DDX46: variants seen among roughly 807,000 people sequenced by gnomAD.
The protein encoded by DDX46 is probable ATP-dependent RNA helicase DDX46.
A neutral mutation model predicts 134.9 loss-of-function variants in DDX46; 30 were observed. The ratio of observed to expected loss-of-function variants is 0.22; its 90% CI spans 0.17 to 0.30. The LOEUF (loss-of-function observed/expected upper bound fraction) is 0.30, where lower values mean the gene tolerates loss of function less well. Among genes scored for constraint, DDX46 ranks in the 10% least tolerant of loss-of-function variants. The pLI, the probability that DDX46 is intolerant of heterozygous loss-of-function variation, is 1.00. For synonymous variants in DDX46, 415 were observed against 404.1 expected, an observed-to-expected ratio of 1.03 and a Z score of -0.32; for missense variants, 622 against 1,248.7, an observed-to-expected ratio of 0.50 and a Z score of 7.56.
intron 21 of DDX46, among the ~76,000 whole-genome samples, chr5:134,821,558 G>A (rs1377728388): frequency 1.3e-5 from 2 of 148,504 alleles, no homozygotes; most frequent in African/African-American, 5.0e-5. Flanking sequence ...TTTTGAGAGG[G>A]AGTCTAGCTC....
In DDX46 at chr5:134,792,204, A is replaced by G. The variant is rs184593028; in HGVS notation, c.1626+1652A>G. On this transcript the variant is annotated intron_variant, in intron 13 of 22. Transcript: ENST00000452510. ...AAAATAATAATATAATAATAATAAT[A>G]GTAATAATAATCAGCTTTGAGTAGA... 4.2e-3 allele frequency among the ~76,000 whole-genome samples: 637 copies of G among 152,120 alleles called. 3 individuals carry two copies. The highest frequency in any genetic ancestry group is 0.015 in the African/African-American group (612 of 41,522).
chr5:134,770,417 C>T (rs938659598), intron 3 of DDX46, among the ~76,000 whole-genome samples: 2 of 151,790 alleles, frequency 1.3e-5, no homozygotes, highest in Non-Finnish European at 2.9e-5. Flanking sequence ...TTGTTATGTT[C>T]CCCTGGCTGA....
At chr5:134,759,689 A>G (rs935326646) in intron 1 of DDX46, among the ~76,000 whole-genome samples, 4 of 152,228 alleles carry the variant, frequency 2.6e-5, no homozygotes, top group African/African-American at 2.4e-5. Context: ...TCTAGGAACA[A>G]TGAAGGCTTT....
intron 1 of DDX46, among the ~76,000 whole-genome samples, chr5:134,762,678 AG>A (rs1308787115): frequency 6.6e-6 from 1 of 152,008 alleles, no homozygotes; most frequent in African/African-American, 2.4e-5. Flanking sequence ...GGTTGCAGTG[AG>A]CTGAGATGGT....
intron 1 of DDX46, among the ~76,000 whole-genome samples, chr5:134,761,884 C>T (rs1403501766): frequency 2.0e-5 from 3 of 152,132 alleles, no homozygotes; most frequent in African/African-American, 7.2e-5. Context: ...CTGGTCTTTG[C>T]TAATCCTGCC....
chr5:134,781,059 T>C (rs1442420936), intron 6 of DDX46, 74 bp from the exon 7 acceptor site: 1 of 1,021,626 alleles, frequency 9.8e-7, no homozygotes, highest in East Asian at 2.8e-5. Flanking sequence ...TTGTGTCAGT[T>C]ACTGTGTGCT....
In DDX46 at chr5:134,788,597, T is replaced by C. The variant is rs779201369; in HGVS notation, c.1543+6T>C. 1.2e-6 allele frequency: 2 copies of C among 1,611,754 alleles called. No homozygotes were observed. The highest frequency in any genetic ancestry group is 1.7e-6 in the Non-Finnish European group (2 of 1,179,302). Reference sequence around the variant, plus strand: ...CATGTTAGCCGCTAACAGTGGTAAGTCAGGGGTATTTTTTTGGTGTCTTTT... The same window carrying C: ...CATGTTAGCCGCTAACAGTGGTAAGCCAGGGGTATTTTTTTGGTGTCTTTT... On this transcript the variant is annotated splice_donor_region_variant and intron_variant, in intron 12 of 22. Transcript: ENST00000452510.
At chr5:134,824,267 T>G (rs1174702360) in intron 21 of DDX46, among the ~76,000 whole-genome samples, 1 of 152,138 alleles carries the variant, frequency 6.6e-6, no homozygotes, top group South Asian at 2.1e-4. Flanking sequence ...AAAGCAACTT[T>G]GTTGAAGCAA....
chr5:134,780,098 A>ATGTGTGTGTGTGTGTGTGTGTGTG (rs71583216), intron 6 of DDX46, among the ~76,000 whole-genome samples: 1 of 139,506 alleles, frequency 7.2e-6, no homozygotes, highest in African/African-American at 2.8e-5. Context: ...AAAAAAATAT[A>ATGTGTGTGTGTGTGTGTGTGTGTG]TGTGTGTGTG....
intron 10 of DDX46, 151 bp downstream of exon 10, chr5:134,784,692 C>G (rs1754277131): frequency 1.3e-6 from 1 of 742,256 alleles, no homozygotes; most frequent in Non-Finnish European, 1.9e-6. Context: ...CTGATTTCCC[C>G]TTACCAGCAG....
intron 15 of DDX46, among the ~76,000 whole-genome samples, chr5:134,799,763 A>G (rs1389835479): frequency 6.6e-6 from 1 of 151,672 alleles, no homozygotes; most frequent in African/African-American, 2.4e-5. Context: ...AAAAACCCTA[A>G]TCTGGGCACA....
In DDX46 at chr5:134,830,035, A is replaced by C. The variant is rs1424026261; in HGVS notation, c.*1329A>C. The C allele has an allele frequency of 6.6e-6, 1 of 152,016 alleles. No homozygotes were observed. Among genetic ancestry groups the C allele is most frequent in the Admixed American group, 6.6e-5 (1 of 15,244 alleles). The allele number at this position is 152,016 out of a possible 1,614,324, so 9.4% of individuals were successfully genotyped here. On this transcript the variant is annotated 3_prime_UTR_variant, in exon 23 of 23. Transcript: ENST00000452510. The stretch of plus-strand genomic sequence containing the variant: ...ATTGGATTACCTAATATTCTTTTCA[A>C]GACTCCTGATGTATTAACTTCATGT...
intron 6 of DDX46, 189 bp downstream of exon 6, chr5:134,777,914 A>C (rs1387252034): frequency 3.5e-6 from 2 of 570,826 alleles, no homozygotes; most frequent in East Asian, 6.6e-5. Flanking sequence ...GTTCTTTCAA[A>C]AGTCACTCTT....
intron 21 of DDX46, among the ~76,000 whole-genome samples, chr5:134,821,001 G>C (rs1247283358): frequency 6.7e-6 from 1 of 148,782 alleles, no homozygotes; most frequent in Admixed American, 6.7e-5. Flanking sequence ...GAGAAGCTAG[G>C]ATTACAGGTG....
chr5:134,789,164 C>T (rs1004296036), intron 12 of DDX46: 1 of 152,090 alleles, frequency 6.6e-6, no homozygotes, highest in African/African-American at 2.4e-5. Context: ...AAATTATTCC[C>T]TATCAAAACT....
At chr5:134,802,118 CTT>C (rs577898544) in intron 15 of DDX46, among the ~76,000 whole-genome samples, 227 of 144,514 alleles carry the variant, frequency 1.6e-3, no homozygotes, top group African/African-American at 5.4e-3. Context: ...CTTTTTCAAC[CTT>C]TTTTTTCCCC....
At chr5:134,814,239 G>GAC in intron 18 of DDX46, among the ~76,000 whole-genome samples, 1 of 152,258 alleles carries the variant, frequency 6.6e-6, no homozygotes, top group South Asian at 2.1e-4. Flanking sequence ...AAAAAACAGT[G>GAC]TATGTCGGTG....
chr5:134,801,347 T>G (rs1754822632), intron 15 of DDX46, among the ~76,000 whole-genome samples: 2 of 152,158 alleles, frequency 1.3e-5, no homozygotes, highest in Admixed American at 6.5e-5. Context: ...TTTACTCAGC[T>G]TAATAACTTT....
rs183332327 is a variant in DDX46 at position 134,820,934 on chromosome 5, C to T, written c.2977+1930C>T. Reference sequence around the variant, plus strand: ...AGGCTGGAGTGCAGTGGCACAATCTCGACTCACTGCAACTCCCACCTCCTG... The same window carrying T: ...AGGCTGGAGTGCAGTGGCACAATCTTGACTCACTGCAACTCCCACCTCCTG... On this transcript the variant is annotated intron_variant, in intron 21 of 22. Transcript: ENST00000452510. Among the ~76,000 whole-genome samples, 570 of 145,600 alleles carry T rather than the reference C, an allele frequency of 3.9e-3. 5 individuals are homozygous for T. Among genetic ancestry groups the T allele is most frequent in the African/African-American group, 0.014 (543 of 39,070 alleles).
Sources: allele counts gnomAD v4.1 joint callset (sites outside exome capture counted in the v4.1 genomes callset), GRCh38; gene constraint gnomAD v4.1.1; transcripts MANE v1.5; gene names NCBI Gene and HGNC (gene_info 2026-07-23, HGNC 2026-07-21).